The following MTHFD1 variants were observed in gnomAD, a reference collection of about 807,000 sequenced individuals.
MTHFD1 encodes the protein C-1-tetrahydrofolate synthase, cytoplasmic.
MTHFD1 carries 44 observed loss-of-function variants against 110.3 expected under a neutral mutation model. The ratio of observed to expected loss-of-function variants is 0.40; its 90% confidence interval spans 0.31 to 0.51. MTHFD1 has a LOEUF of 0.51. Ranked by LOEUF, MTHFD1 falls within the 20% of genes least tolerant of loss-of-function variation. The pLI, the probability that MTHFD1 is intolerant of heterozygous loss-of-function variation, is 0.60. For missense variants in MTHFD1, 909 were observed against 1,173.1 expected, an observed-to-expected ratio of 0.77 and a Z score of 3.29; for synonymous variants, 402 against 428.8, an observed-to-expected ratio of 0.94 and a Z score of 0.77.
intron 1 of MTHFD1, among the ~76,000 whole-genome samples, chr14:64,392,314 A>C (rs953808320): frequency 2.6e-5 from 4 of 152,170 alleles, no homozygotes; most frequent in African/African-American, 9.7e-5. Context: ...AAGATTATGC[A>C]AAGTGGGAGA....
chr14:64,401,696 G>A (rs1208509602), intron 2 of MTHFD1, among the ~76,000 whole-genome samples: 5 of 52,084 alleles, frequency 9.6e-5, no homozygotes, highest in Non-Finnish European at 1.6e-4. Flanking sequence ...GAGAGATTCC[G>A]TCTCAAAAAA....
intron 26 of MTHFD1, 167 bp from the exon 27 acceptor site, chr14:64,458,047 T>C: frequency 1.5e-6 from 1 of 670,454 alleles, no homozygotes; most frequent in Non-Finnish European, 2.7e-6. Context: ...CATGCCATCA[T>C]ATCCAGCTAA....
Position 64,449,441 on chromosome 14 carries a change from A to C in MTHFD1, c.2280-4A>C. 1.2e-6 allele frequency: 2 copies of C among 1,612,996 alleles called. No homozygotes were observed. The highest frequency in any genetic ancestry group is 2.7e-5 in the African/African-American group (2 of 75,030). On this transcript the variant is annotated splice_region_variant and splice_polypyrimidine_tract_variant and intron_variant, in intron 23 of 27. Transcript: ENST00000652337. ...TGCTTTGATATGAAATGCTTCCTTT[A>C]TAGGACGGATACAGAGTCTGAGCTG...
chr14:64,431,733 G>A, intron 14 of MTHFD1, 54 bp from the exon 15 acceptor site: 3 of 1,596,594 alleles, frequency 1.9e-6, no homozygotes, highest in Non-Finnish European at 2.6e-6. Flanking sequence ...TGAGGATGCA[G>A]GTAGCAAAGC....
At chr14:64,431,936 C>G in intron 15 of MTHFD1, 75 bp downstream of exon 15, 1 of 1,300,886 alleles carries the variant, frequency 7.7e-7, no homozygotes, top group Non-Finnish European at 1.1e-6. Flanking sequence ...ACATAAAAGT[C>G]TTCTTGGAGT....
chr14:64,441,573 A>G (rs576292621), intron 19 of MTHFD1, 120 bp downstream of exon 19: 581 of 833,296 alleles, frequency 7.0e-4, no homozygotes, highest in South Asian at 1.0e-3. Flanking sequence ...TTGGGAGGCC[A>G]AGGTGGGCAG....
chr14:64,431,585 C>A lies in MTHFD1; in HGVS notation c.1365C>A (p.Leu455=), dbSNP rs747837982. 1.9e-5 allele frequency: 31 copies of A among 1,614,026 alleles called. No homozygotes were observed. In the South Asian group the frequency reaches 3.2e-4, roughly 17 times the overall value. Residue 455 remains leucine (L), a synonymous_variant, in exon 14 of 28, where the codon CTC becomes CTA. Transcript: ENST00000652337. ...DIHAITAANN[L]VAAAIDARIF... ...ATGCCATCACTGCAGCTAATAACCT[C>A]GTTGCTGCGGCCATTGATGCTCGGA...
intron 17 of MTHFD1, among the ~76,000 whole-genome samples, chr14:64,439,699 G>A (rs771199661): frequency 3.5e-4 from 53 of 151,838 alleles, no homozygotes; most frequent in Admixed American, 1.6e-3. Flanking sequence ...TCAGGAGTTC[G>A]AGATCAGCCC....
rs1364086378 is a variant in MTHFD1 at position 64,397,176 on chromosome 14, TATATATATATATATA to T, written c.42-3615_42-3601del. Among the ~76,000 whole-genome samples the T allele has an allele frequency of 1.7e-3, 31 of 17,762 alleles. 3 individuals are homozygous for T. Among genetic ancestry groups the T allele is most frequent in the African/African-American group, 8.2e-3 (26 of 3,182 alleles). The allele number at this position is 17,762 out of a possible 152,430, so 11.7% of individuals were successfully genotyped here. A position where few individuals can be genotyped will look rare whatever the true frequency, so the allele number is the denominator to read the frequency against. On this transcript the variant is annotated intron_variant, in intron 1 of 27. Coordinates refer to ENST00000652337, the MANE Select transcript of MTHFD1 (RefSeq NM_005956.4). ...ATATATATATATATATATATATATA[TATATATATATATATA>T]AAAAACAGTAATCTATTGGGGCAGG...
At chr14:64,414,023 T>G (rs959494970) in intron 4 of MTHFD1, among the ~76,000 whole-genome samples, 6 of 152,004 alleles carry the variant, frequency 3.9e-5, no homozygotes, top group African/African-American at 1.2e-4. Context: ...AGGCAGAGTT[T>G]TACTCTTGTC....
intron 17 of MTHFD1, 85 bp from the exon 18 acceptor site, chr14:64,440,041 C>G: frequency 1.6e-6 from 2 of 1,264,662 alleles, no homozygotes; most frequent in Non-Finnish European, 2.3e-6. Flanking sequence ...GTTTAAGCCT[C>G]AGATGTAAAA....
In MTHFD1 at chr14:64,431,727, G is replaced by A; in HGVS notation, c.1420-60G>A. ...TAGTGTTGGTGTCTTGGGTGCTGAGGATGCAGGTAGCAAAGCAGTGGGGCT... is the reference window on the plus strand; with the variant it reads ...TAGTGTTGGTGTCTTGGGTGCTGAGAATGCAGGTAGCAAAGCAGTGGGGCT... On this transcript the variant is annotated intron_variant, in intron 14 of 27. Transcript: ENST00000652337. 4 of 1,594,240 alleles carry A rather than the reference G, an allele frequency of 2.5e-6. No individual in the cohort carries two copies. The South Asian group carries it at 3.3e-5, about 13-fold the overall frequency.
At position 64,448,296 on chromosome 14, in the gene MTHFD1, T is replaced by C; in HGVS notation, c.2258T>C (p.Val753Ala). The C allele has an allele frequency of 4.3e-6, 7 of 1,613,738 alleles. No homozygotes were observed. Among genetic ancestry groups the C allele is most frequent in the South Asian group, 1.1e-5 (1 of 91,078 alleles). Residue 753 changes from valine to alanine, a missense_variant, in exon 23 of 28, where the codon GTA (valine) becomes GCA (alanine). By Grantham distance (64) the Val-to-Ala change is moderately conservative. Coordinates refer to ENST00000652337, the MANE Select transcript of MTHFD1 (RefSeq NM_005956.4). ...ENARMFGIPV[V>A]VAVNAFKTDT... ...GCCAGAATGTTTGGAATTCCAGTAG[T>C]AGTGGCCGTGAATGCATTCAAGTAA... is the stretch of plus-strand genomic sequence containing the variant.
intron 8 of MTHFD1, among the ~76,000 whole-genome samples, chr14:64,420,788 T>C (rs1271056514): frequency 1.3e-5 from 2 of 152,200 alleles, no homozygotes. Context: ...CAGCCTGTGA[T>C]CTCACTTGCG....
intron 1 of MTHFD1, among the ~76,000 whole-genome samples, chr14:64,392,283 C>A (rs2077812616): frequency 6.6e-6 from 1 of 152,128 alleles, no homozygotes; most frequent in African/African-American, 2.4e-5. Flanking sequence ...CTGCCCTGGG[C>A]AGAAGGGTGG....
At chr14:64,434,898 C>T (rs1404652881) in intron 15 of MTHFD1, among the ~76,000 whole-genome samples, 1 of 147,964 alleles carries the variant, frequency 6.8e-6, no homozygotes, top group Non-Finnish European at 1.5e-5. Context: ...TGGCTCACTG[C>T]AGCCTTGACC....
chr14:64,453,128 TA>T (rs1371271369), intron 24 of MTHFD1, among the ~76,000 whole-genome samples: 2 of 151,998 alleles, frequency 1.3e-5, no homozygotes, highest in African/African-American at 4.8e-5. Flanking sequence ...CTTATGTAAG[TA>T]TATATTTAAA....
intron 1 of MTHFD1, among the ~76,000 whole-genome samples, chr14:64,399,656 C>CAAAAA (rs34735594): frequency 2.1e-4 from 24 of 113,022 alleles, no homozygotes; most frequent in East Asian, 5.1e-4. Flanking sequence ...GTCCCCATCT[C>CAAAAA]AAAAAAAAAA....
intron 12 of MTHFD1, among the ~76,000 whole-genome samples, chr14:64,428,693 A>G (rs2078136580): frequency 6.6e-6 from 1 of 151,300 alleles, no homozygotes; most frequent in Non-Finnish European, 1.5e-5. Flanking sequence ...AGCTGGGACT[A>G]CAGGTGCGTG....
Sources: allele counts gnomAD v4.1 joint callset (sites outside exome capture counted in the v4.1 genomes callset), GRCh38; gene constraint gnomAD v4.1.1; transcripts MANE v1.5; gene names NCBI Gene and HGNC (gene_info 2026-07-23, HGNC 2026-07-21).